ROCK1: variants seen among roughly 807,000 people sequenced by gnomAD.
The protein encoded by ROCK1 is rho-associated protein kinase 1.
In ROCK1, 36 loss-of-function variants were observed where a neutral mutation model predicts 196.8. That is an observed-to-expected ratio of 0.18 (90% CI 0.14 to 0.24). The LOEUF is 0.24. Ranked by LOEUF, ROCK1 falls within the 10% of genes least tolerant of loss-of-function variation. ROCK1 has a pLI of 1.00. For synonymous variants in ROCK1, 443 were observed against 515.9 expected (o/e 0.86, Z 1.91); for missense variants, 920 against 1,562.0 (o/e 0.59, Z 6.93).
intron 11 of ROCK1, among the ~76,000 whole-genome samples, chr18:21,022,355 T>C (rs1328515948): frequency 6.6e-6 from 1 of 152,172 alleles, no homozygotes; most frequent in African/African-American, 2.4e-5. Context: ...AACTAAAATG[T>C]ATTTTCTGGA....
At chr18:21,059,402 T>C (rs1166903030) in intron 2 of ROCK1, among the ~76,000 whole-genome samples, 7 of 152,206 alleles carry the variant, frequency 4.6e-5, no homozygotes, top group African/African-American at 1.2e-4. Flanking sequence ...CAATCTGAAC[T>C]GGAATTGTTT....
intron 2 of ROCK1, among the ~76,000 whole-genome samples, chr18:21,054,653 C>T (rs2036232141): frequency 6.6e-6 from 1 of 152,162 alleles, no homozygotes; most frequent in African/African-American, 2.4e-5. Context: ...CATCGCTAGA[C>T]AGTTTTACTT....
chr18:21,014,065 C>CA (rs56355855), intron 13 of ROCK1, among the ~76,000 whole-genome samples: 1,547 of 69,402 alleles, frequency 0.022, 27 homozygotes, highest in African/African-American at 0.042. Context: ...GACTCTGTCT[C>CA]AAAAAAAAAA....
chr18:21,086,268 C>T (rs1436818483), intron 1 of ROCK1, among the ~76,000 whole-genome samples: 1 of 151,966 alleles, frequency 6.6e-6, no homozygotes, highest in Non-Finnish European at 1.5e-5. Context: ...TGCACCACCA[C>T]ACCTGGCTAA....
intron 4 of ROCK1, 124 bp from the exon 5 acceptor site, chr18:21,045,591 AG>A (rs2036148690): frequency 1.3e-6 from 1 of 763,202 alleles, no homozygotes; most frequent in Non-Finnish European, 2.0e-6. Flanking sequence ...AGAAGTTGCA[AG>A]TCTAGTTTTA....
intron 29 of ROCK1, among the ~76,000 whole-genome samples, chr18:20,959,147 A>G (rs1237663762): frequency 3.3e-5 from 2 of 61,254 alleles, no homozygotes; most frequent in East Asian, 9.1e-4. Context: ...TATTATATAA[A>G]ATATATATAT....
At chr18:21,101,546 G>C (rs2036659704) in intron 1 of ROCK1, among the ~76,000 whole-genome samples, 2 of 152,172 alleles carry the variant, frequency 1.3e-5, no homozygotes, top group African/African-American at 4.8e-5. Flanking sequence ...TACATCATTA[G>C]GAAAGTAAAA....
intron 2 of ROCK1, among the ~76,000 whole-genome samples, chr18:21,060,391 G>C (rs1330412111): frequency 6.6e-6 from 1 of 152,164 alleles, no homozygotes; most frequent in Non-Finnish European, 1.5e-5. Context: ...CACAACAACA[G>C]AAACTCTCAT....
intron 16 of ROCK1, among the ~76,000 whole-genome samples, chr18:21,001,092 A>G (rs766595423): frequency 6.6e-6 from 1 of 152,238 alleles, no homozygotes; most frequent in Admixed American, 6.5e-5. Flanking sequence ...AATATTACTC[A>G]GCCACAAATG....
At chr18:20,981,287 G>A (rs865993059) in intron 21 of ROCK1, among the ~76,000 whole-genome samples, 4 of 151,716 alleles carry the variant, frequency 2.6e-5, no homozygotes, top group Admixed American at 2.0e-4. Context: ...CCAGCTACTC[G>A]GGATGCTGAG....
chr18:21,046,760 T>A (rs2143513203), intron 4 of ROCK1, among the ~76,000 whole-genome samples: 1 of 152,370 alleles, frequency 6.6e-6, no homozygotes, highest in East Asian at 1.9e-4. Flanking sequence ...GATCTCTAAT[T>A]TACCCAGATG....
intron 2 of ROCK1, among the ~76,000 whole-genome samples, chr18:21,066,030 T>C (rs778195605): frequency 6.6e-6 from 1 of 152,172 alleles, no homozygotes; most frequent in Non-Finnish European, 1.5e-5. Context: ...GATCACTACA[T>C]CTGATATATG....
At chr18:21,066,835 C>T (rs1211129074) in intron 2 of ROCK1, among the ~76,000 whole-genome samples, 1 of 152,194 alleles carries the variant, frequency 6.6e-6, no homozygotes, top group Admixed American at 6.5e-5. Flanking sequence ...GATCAGCTGA[C>T]GGGCACTTGA....
chr18:21,037,888 T>G (rs1013935770), intron 9 of ROCK1, among the ~76,000 whole-genome samples: 1 of 152,132 alleles, frequency 6.6e-6, no homozygotes, highest in African/African-American at 2.4e-5. Context: ...TAAATAGTTG[T>G]TGACTAAATT....
intron 1 of ROCK1, among the ~76,000 whole-genome samples, chr18:21,092,377 T>A (rs958966383): frequency 6.6e-6 from 1 of 151,504 alleles, no homozygotes; most frequent in African/African-American, 2.4e-5. Flanking sequence ...AGCCCAGGAG[T>A]TCAAGACCAG....
chr18:21,017,278 G>A (rs1331676319), intron 12 of ROCK1, among the ~76,000 whole-genome samples: 5 of 137,660 alleles, frequency 3.6e-5, no homozygotes, highest in Admixed American at 8.5e-5. Context: ...TGCAAGCTCC[G>A]TCTCCCGGGT....
rs1279964565 is a variant in ROCK1 at position 21,110,902 on chromosome 18, A to C, written c.9T>G (p.Thr3=). Residue 3 remains threonine (T), a synonymous_variant, in exon 1 of 33, where the codon ACT becomes ACG. Transcript: ENST00000399799. The part of the protein sequence containing the change: MS[T]GDSFETRFEK... ...CAAATCGAGTCTCAAAACTGTCCCC[A>C]GTCGACATGTTGCTGCTGCTGTGAC... 7.4e-6 allele frequency: 12 copies of C among 1,613,546 alleles called. No homozygotes were observed. The highest frequency in any genetic ancestry group is 1.7e-6 in the Non-Finnish European group (2 of 1,179,626).
chr18:21,015,570 TAG>T, intron 12 of ROCK1, 91 bp from the exon 13 acceptor site: 1 of 797,854 alleles, frequency 1.3e-6, no homozygotes. Flanking sequence ...TCCACTTAAC[TAG>T]AGTTTTGTAT....
chr18:20,966,779 C>A (rs2035377688), intron 27 of ROCK1, 138 bp downstream of exon 27: 1 of 659,826 alleles, frequency 1.5e-6, no homozygotes, highest in African/African-American at 1.8e-5. Flanking sequence ...CATCATCAGG[C>A]CTTGGCTATC....
Sources: gnomAD v4.1 joint callset for allele counts (sites outside exome capture counted in the v4.1 genomes callset) on GRCh38, gnomAD v4.1.1 for gene constraint, MANE v1.5 for transcripts, NCBI Gene and HGNC (gene_info 2026-07-23, HGNC 2026-07-21) for gene names.